MRTFB: variants seen among roughly 807,000 people sequenced by gnomAD.
MRTFB encodes the protein myocardin related transcription factor B.
MRTFB carries 29 observed loss-of-function variants against 104.2 expected under a neutral mutation model. The ratio of observed to expected loss-of-function variants is 0.28; its 90% confidence interval spans 0.21 to 0.38. MRTFB has a LOEUF of 0.38. Among genes scored for constraint, MRTFB ranks in the 10% least tolerant of loss-of-function variants. MRTFB has a pLI of 1.00. For synonymous variants in MRTFB, 535 were observed against 519.5 expected (o/e 1.03, Z -0.41); for missense variants, 1,270 against 1,341.6 (o/e 0.95, Z 0.83).
Position 14,261,676 on chromosome 16 carries a change from T to C in MRTFB, c.*232T>C, listed in dbSNP as rs1221883928. 1 of 459,976 alleles carries C rather than the reference T, an allele frequency of 2.2e-6. No homozygotes were observed. Among genetic ancestry groups the C allele is most frequent in the African/African-American group, 2.0e-5 (1 of 50,668 alleles). The allele number at this position is 459,976 out of a possible 1,614,324, so 28.5% of individuals were successfully genotyped here. A position where few individuals can be genotyped will look rare whatever the true frequency, so the allele number is the denominator to read the frequency against. On this transcript the variant is annotated 3_prime_UTR_variant, in exon 17 of 17. Transcript: ENST00000571589. ...CAGGGCCTTCTGAAAATCGCACTTGTCAAAGACGACTCATCTATTTCTCCA... is the reference window on the plus strand; with the variant it reads ...CAGGGCCTTCTGAAAATCGCACTTGCCAAAGACGACTCATCTATTTCTCCA...
intron 2 of MRTFB, among the ~76,000 whole-genome samples, chr16:14,108,614 C>G (rs1240309155): frequency 6.6e-6 from 1 of 152,200 alleles, no homozygotes; most frequent in East Asian, 1.9e-4. Flanking sequence ...TTTAAGACTC[C>G]TACCCCAGGA....
At chr16:14,200,369 G>T (rs570855668) in intron 3 of MRTFB, 2 of 1,607,880 alleles carry the variant, frequency 1.2e-6, no homozygotes, top group South Asian at 2.2e-5. Context: ...GTTGCAGCAG[G>T]ATAGTAATGA....
rs2043906030 is a variant in MRTFB, at chr16:14,265,233, T to G, written c.*3789T>G. The G allele has an allele frequency of 6.6e-6, 1 of 152,144 alleles. No homozygotes were observed. Among genetic ancestry groups the G allele is most frequent in the Non-Finnish European group, 1.5e-5 (1 of 68,020 alleles). 9.4% of individuals were successfully genotyped at this position (152,144 alleles called of 1,614,324 possible). The stretch of plus-strand genomic sequence containing the variant: ...TACTAGCAGAGCAACATGTGTCAAT[T>G]TAACCAAATTCACAAATAACCCTCC... On this transcript the variant is annotated 3_prime_UTR_variant, in exon 17 of 17. Transcript: ENST00000571589.
At chr16:14,224,621 A>G (rs1007584403) in intron 8 of MRTFB, among the ~76,000 whole-genome samples, 1 of 152,230 alleles carries the variant, frequency 6.6e-6, no homozygotes, top group African/African-American at 2.4e-5. Context: ...GGAATCCTCA[A>G]TAAGACTATC....
upstream of MRTFB, among the ~76,000 whole-genome samples, chr16:14,070,137 T>G (rs1310647259): frequency 6.6e-6 from 1 of 152,132 alleles, no homozygotes; most frequent in Non-Finnish European, 1.5e-5. Context: ...ACCTAGAACC[T>G]CCAGGGCTCC....
chr16:14,117,791 T>C (rs1047938793), intron 2 of MRTFB, among the ~76,000 whole-genome samples: 2 of 151,852 alleles, frequency 1.3e-5, no homozygotes, highest in Admixed American at 1.3e-4. Context: ...GGGATGACTT[T>C]ATAGGGAAAA....
chr16:14,038,696 A>G, the MRTFB span, among the ~76,000 whole-genome samples: 1 of 152,226 alleles, frequency 6.6e-6, no homozygotes, highest in Non-Finnish European at 1.5e-5. Context: ...CACAGTTATT[A>G]TACCCCAGTT....
chr16:13,995,696 A>G, the MRTFB span, among the ~76,000 whole-genome samples: 1 of 152,160 alleles, frequency 6.6e-6, no homozygotes, highest in Non-Finnish European at 1.5e-5. Flanking sequence ...ACTTACAATC[A>G]CAGCAGAAGG....
In MRTFB at chr16:14,127,929, A is replaced by ATT. The variant is rs67001306; in HGVS notation, c.-63-12594_-63-12593dup. On this transcript the variant is annotated intron_variant, in intron 2 of 16. Coordinates refer to ENST00000571589, the MANE Select transcript of MRTFB (RefSeq NM_001308142.2). ...TATATATATATATATATATATATAT[A>ATT]TTTTTTTTTTTTTTTTTTTTTTCTT... Among the ~76,000 whole-genome samples, 301 of 44,592 alleles carry ATT rather than the reference A, an allele frequency of 6.8e-3. 8 individuals are homozygous for ATT. Among genetic ancestry groups the ATT allele is most frequent in the South Asian group, 0.012 (12 of 1,010 alleles). The allele number at this position is 44,592 out of a possible 152,430, so 29.3% of individuals were successfully genotyped here.
chr16:14,219,254 T>G (rs1201766739), intron 8 of MRTFB, among the ~76,000 whole-genome samples: 1 of 152,234 alleles, frequency 6.6e-6, no homozygotes, highest in African/African-American at 2.4e-5. Flanking sequence ...GGAACTGAAT[T>G]TGTTTGTTCA....
At chr16:14,059,283 T>A in the MRTFB span, among the ~76,000 whole-genome samples, 1 of 152,076 alleles carries the variant, frequency 6.6e-6, no homozygotes, top group South Asian at 2.1e-4. Flanking sequence ...ATATGTTAAT[T>A]ATAGTCACCA....
chr16:14,240,873 T>C lies in MRTFB; in HGVS notation c.1079+389T>C, dbSNP rs1404221359. The C allele has an allele frequency of 8.0e-6, 5 of 626,136 alleles. No individual in the cohort carries two copies. In the South Asian group the frequency reaches 9.6e-5, roughly 12 times the overall value. 38.8% of individuals were successfully genotyped at this position (626,136 alleles called of 1,614,324 possible). On this transcript the variant is annotated intron_variant, in intron 10 of 16. Coordinates refer to ENST00000571589, the MANE Select transcript of MRTFB (RefSeq NM_001308142.2). ...AAGCTGGAGTGGTCAAAGGAAAGCC[T>C]GGTGGAAAAGACAGGATCTTTGTAT... is the stretch of plus-strand genomic sequence containing the variant.
chr16:14,190,062 G>A (rs1208451535), intron 3 of MRTFB, among the ~76,000 whole-genome samples: 1 of 152,210 alleles, frequency 6.6e-6, no homozygotes, highest in Admixed American at 6.5e-5. Context: ...TCACAGTGCA[G>A]AGAATTGTGT....
intron 2 of MRTFB, among the ~76,000 whole-genome samples, chr16:14,096,605 G>A (rs1036845587): frequency 2.0e-5 from 3 of 152,146 alleles, no homozygotes; most frequent in Admixed American, 6.5e-5. Context: ...ACATATTGTG[G>A]CAAGAGATGT....
At chr16:14,241,378 A>C (rs2042761258) in intron 10 of MRTFB, 1 of 152,300 alleles carries the variant, frequency 6.6e-6, no homozygotes, top group South Asian at 2.1e-4. Flanking sequence ...AATTCACAGC[A>C]AGACATCAAT....
chr16:14,218,991 C>G lies in MRTFB; in HGVS notation c.686C>G (p.Pro229Arg), dbSNP rs777569835. 2 of 1,610,522 alleles carry G rather than the reference C, an allele frequency of 1.2e-6. No individual in the cohort carries two copies. The highest frequency in any genetic ancestry group is 1.7e-6 in the Non-Finnish European group (2 of 1,178,124). ...ESPSPVTTNT[P>R]AQFASVSPTV... is the part of the protein sequence containing the mutation. ...CCATCTCCTGTGACTACAAACACTC[C>G]AGCGCAGGTATTATCTTTCTGGTTT... Residue 229 changes from proline (P) to arginine (R), a missense_variant, in exon 8 of 17, where the codon CCA (proline) becomes CGA (arginine). Physicochemically the swap from Pro to Arg is moderately radical, Grantham distance 103 (BLOSUM62 -2). Coordinates refer to ENST00000571589, the MANE Select transcript of MRTFB (RefSeq NM_001308142.2).
chr16:14,220,455 G>C (rs936094517), intron 8 of MRTFB, among the ~76,000 whole-genome samples: 3 of 152,186 alleles, frequency 2.0e-5, no homozygotes, highest in Admixed American at 1.3e-4. Flanking sequence ...CTGCATGAAA[G>C]ATTATAATTC....
chr16:14,042,823 G>A, the MRTFB span, among the ~76,000 whole-genome samples: 1 of 152,336 alleles, frequency 6.6e-6, no homozygotes, highest in Non-Finnish European at 1.5e-5. Context: ...CCACCTAGAA[G>A]GAAGCGGTAT....
chr16:14,215,969 T>C (rs2041403977), intron 6 of MRTFB, among the ~76,000 whole-genome samples: 1 of 152,258 alleles, frequency 6.6e-6, no homozygotes, highest in Non-Finnish European at 1.5e-5. Flanking sequence ...TTATCAAATC[T>C]TTCCAAAGCA....
Sources: gnomAD v4.1 joint callset for allele counts (sites outside exome capture counted in the v4.1 genomes callset) on GRCh38, gnomAD v4.1.1 for gene constraint, MANE v1.5 for transcripts, NCBI Gene and HGNC (gene_info 2026-07-23, HGNC 2026-07-21) for gene names.